ELMO1: variants seen among roughly 807,000 people sequenced by gnomAD.
ELMO1 encodes the protein engulfment and cell motility 1, also known as engulfment and cell motility protein 1.
A neutral mutation model predicts 98.9 loss-of-function variants in ELMO1; 26 were observed. The observed-to-expected ratio is 0.26, with a 90% CI of 0.19 to 0.36. The LOEUF (loss-of-function observed/expected upper bound fraction) is 0.36. ELMO1 is among the 10% of genes least tolerant of loss of function. The pLI is 1.00. For synonymous variants in ELMO1, 346 were observed against 346.0 expected (o/e 1.00, Z 0.00); for missense variants, 627 against 935.2 (o/e 0.67, Z 4.30).
intron 13 of ELMO1, among the ~76,000 whole-genome samples, chr7:37,166,380 C>A (rs1789692129): frequency 1.3e-5 from 2 of 152,050 alleles, no homozygotes; most frequent in African/African-American, 2.4e-5. Flanking sequence ...CTTCTGCTAG[C>A]TTTTGAATGT....
intron 16 of ELMO1, among the ~76,000 whole-genome samples, chr7:36,936,713 G>C (rs996101632): frequency 6.6e-6 from 1 of 152,100 alleles, no homozygotes; most frequent in Non-Finnish European, 1.5e-5. Flanking sequence ...CTTGGCTTCC[G>C]AAAGTGTTGA....
At chr7:37,418,195 A>G (rs1439776226) in intron 1 of ELMO1, among the ~76,000 whole-genome samples, 1 of 152,216 alleles carries the variant, frequency 6.6e-6, no homozygotes, top group East Asian at 1.9e-4. Flanking sequence ...GCTAAGAGAC[A>G]GAAACCAAAA....
intron 16 of ELMO1, among the ~76,000 whole-genome samples, chr7:36,898,297 G>A (rs999042642): frequency 2.6e-5 from 4 of 152,084 alleles, no homozygotes; most frequent in South Asian, 2.1e-4. Context: ...ACCCACAGAC[G>A]GTGTTGCGGA....
chr7:37,178,122 TGCTG>T (rs1790596737), intron 13 of ELMO1, among the ~76,000 whole-genome samples: 1 of 151,954 alleles, frequency 6.6e-6, no homozygotes, highest in Non-Finnish European at 1.5e-5. Flanking sequence ...GTTTTCATGC[TGCTG>T]ATAAAGACAT....
intron 13 of ELMO1, among the ~76,000 whole-genome samples, chr7:37,167,203 C>T (rs1013671819): frequency 2.0e-5 from 3 of 151,858 alleles, no homozygotes; most frequent in Admixed American, 2.0e-4. Context: ...AGATCTTCCT[C>T]CATCCCTTTA....
intron 13 of ELMO1, among the ~76,000 whole-genome samples, chr7:37,147,538 G>A (rs938351853): frequency 1.3e-5 from 2 of 152,190 alleles, no homozygotes; most frequent in African/African-American, 4.8e-5. Context: ...AAACCAAGCA[G>A]AGTCCATGAC....
At chr7:37,064,372 C>T (rs1037904464) in intron 15 of ELMO1, among the ~76,000 whole-genome samples, 5 of 152,148 alleles carry the variant, frequency 3.3e-5, no homozygotes, top group South Asian at 2.1e-4. Context: ...ATATCCTCTG[C>T]GATGCAGTAG....
intron 1 of ELMO1, among the ~76,000 whole-genome samples, chr7:37,393,157 T>C (rs1462842236): frequency 6.6e-6 from 1 of 152,222 alleles, no homozygotes; most frequent in African/African-American, 2.4e-5. Flanking sequence ...AATTTTTATT[T>C]TGAAGCAATC....
At chr7:37,279,582 G>T (rs1797032503) in intron 4 of ELMO1, among the ~76,000 whole-genome samples, 1 of 152,172 alleles carries the variant, frequency 6.6e-6, no homozygotes, top group South Asian at 2.1e-4. Flanking sequence ...AGAAGCTGAA[G>T]GTCTCTTTGC....
intron 14 of ELMO1, among the ~76,000 whole-genome samples, chr7:37,128,810 G>A (rs1227811724): frequency 6.6e-6 from 1 of 152,154 alleles, no homozygotes; most frequent in Non-Finnish European, 1.5e-5. Flanking sequence ...TATGTGCTAG[G>A]CTCTGTGCCA....
At chr7:37,150,508 T>C (rs1049267147) in intron 13 of ELMO1, among the ~76,000 whole-genome samples, 4 of 152,108 alleles carry the variant, frequency 2.6e-5, no homozygotes, top group Non-Finnish European at 5.9e-5. Context: ...AACATTTATG[T>C]GCATAGAGTA....
intron 1 of ELMO1, among the ~76,000 whole-genome samples, chr7:37,363,481 G>A (rs181008288): frequency 2.0e-5 from 3 of 151,996 alleles, no homozygotes; most frequent in African/African-American, 4.8e-5. Context: ...ACCTCATCCC[G>A]CGCATCCATC....
intron 4 of ELMO1, among the ~76,000 whole-genome samples, chr7:37,306,124 T>C (rs1011545614): frequency 7.2e-5 from 11 of 152,194 alleles, no homozygotes; most frequent in African/African-American, 1.2e-4. Flanking sequence ...TAAATGATAT[T>C]GCTCCTAGGT....
chr7:37,075,243 T>C (rs1413337040), intron 15 of ELMO1, among the ~76,000 whole-genome samples: 1 of 150,634 alleles, frequency 6.6e-6, no homozygotes, highest in African/African-American at 2.4e-5. Context: ...GCCTCCCGGG[T>C]TCATGCCATT....
intron 16 of ELMO1, among the ~76,000 whole-genome samples, chr7:36,914,516 CTTT>C (rs71734817): frequency 6.9e-5 from 9 of 129,986 alleles, no homozygotes; most frequent in Non-Finnish European, 1.0e-4. Context: ...AATGTACATT[CTTT>C]TTTTTTTTTT....
At chr7:37,284,834 A>G (rs567304312) in intron 4 of ELMO1, among the ~76,000 whole-genome samples, 82 of 152,200 alleles carry the variant, frequency 5.4e-4, no homozygotes, top group African/African-American at 1.9e-3. Flanking sequence ...TTGTCTCTCA[A>G]CTCAAAACCA....
chr7:37,434,205 T>C (rs1438608146), intron 1 of ELMO1, among the ~76,000 whole-genome samples: 1 of 152,100 alleles, frequency 6.6e-6, no homozygotes, highest in African/African-American at 2.4e-5. Flanking sequence ...CCTCATTAGG[T>C]GGTACCTTGA....
intron 19 of ELMO1, among the ~76,000 whole-genome samples, chr7:36,874,907 C>G (rs1023240224): frequency 6.6e-6 from 1 of 152,176 alleles, no homozygotes; most frequent in Non-Finnish European, 1.5e-5. Flanking sequence ...AGAAAGATTT[C>G]CTAAAGCTTT....
At chr7:37,348,488 A>G (rs1306154411) in intron 1 of ELMO1, among the ~76,000 whole-genome samples, 2 of 152,094 alleles carry the variant, frequency 1.3e-5, no homozygotes, top group Non-Finnish European at 2.9e-5. Flanking sequence ...TCCATGTTTA[A>G]TATTAAGATT....
Sources: allele counts gnomAD v4.1 joint callset (sites outside exome capture counted in the v4.1 genomes callset), GRCh38; gene constraint gnomAD v4.1.1; transcripts MANE v1.5; gene names NCBI Gene and HGNC (gene_info 2026-07-23, HGNC 2026-07-21).